The following GALNT2 variants were observed in gnomAD, a reference collection of about 807,000 sequenced individuals.
GALNT2 encodes the protein UDP-GalNAc:polypeptide N-acetylgalactosaminyltransferase 2.
Under a neutral mutation model 81.4 loss-of-function variants are expected in GALNT2, and 31 were observed. The observed-to-expected ratio is 0.38, with a 90% CI of 0.29 to 0.51. GALNT2 has a LOEUF of 0.51. GALNT2 is among the 20% of genes least tolerant of loss of function. The pLI, the probability that GALNT2 is intolerant of heterozygous loss-of-function variation, is 0.87. For synonymous variants in GALNT2, 303 were observed against 287.4 expected, an observed-to-expected ratio of 1.05 and a Z score of -0.55; for missense variants, 629 against 765.7, an observed-to-expected ratio of 0.82 and a Z score of 2.11.
At chr1:230,214,058 C>G (rs920207440) in intron 3 of GALNT2, among the ~76,000 whole-genome samples, 1 of 151,744 alleles carries the variant, frequency 6.6e-6, no homozygotes, top group Non-Finnish European at 1.5e-5. Flanking sequence ...TCTATTAGTC[C>G]CAGTATGTTG....
chr1:230,164,756 T>C (rs1304743534), intron 1 of GALNT2, among the ~76,000 whole-genome samples: 3 of 152,104 alleles, frequency 2.0e-5, no homozygotes, highest in Non-Finnish European at 4.4e-5. Flanking sequence ...GGTCTCGATC[T>C]CCTGACCTTG....
At chr1:230,069,096 T>G (rs1659294455) in intron 1 of GALNT2, among the ~76,000 whole-genome samples, 2 of 152,190 alleles carry the variant, frequency 1.3e-5, no homozygotes, top group African/African-American at 4.8e-5. Flanking sequence ...TTCTCTTTCC[T>G]TAGTCTGCCA....
At chr1:230,125,200 A>G (rs1239595892) in intron 1 of GALNT2, among the ~76,000 whole-genome samples, 2 of 152,254 alleles carry the variant, frequency 1.3e-5, no homozygotes, top group South Asian at 2.1e-4. Flanking sequence ...TAGAGAATTC[A>G]TAAATGAAGA....
chr1:230,085,630 A>G (rs1659876184), intron 1 of GALNT2, among the ~76,000 whole-genome samples: 1 of 152,194 alleles, frequency 6.6e-6, no homozygotes, highest in Non-Finnish European at 1.5e-5. Flanking sequence ...GATCCAGTTC[A>G]TCACTGGAAA....
intron 1 of GALNT2, among the ~76,000 whole-genome samples, chr1:230,069,048 A>C (rs1289815317): frequency 6.6e-6 from 1 of 152,196 alleles, no homozygotes; most frequent in Non-Finnish European, 1.5e-5. Context: ...TCTGCCTTTC[A>C]TGCAAAGAAA....
chr1:230,241,350 T>G (rs564450681), intron 6 of GALNT2, among the ~76,000 whole-genome samples: 1 of 152,328 alleles, frequency 6.6e-6, no homozygotes, highest in Admixed American at 6.5e-5. Context: ...TATTCATCTT[T>G]GTTATATTGG....
chr1:230,067,506 C>G, intron 1 of GALNT2, 100 bp downstream of exon 1: 1 of 393,068 alleles, frequency 2.5e-6, no homozygotes, highest in Non-Finnish European at 4.0e-6. Context: ...CTCCTCCGCC[C>G]GGACCTCCGC....
chr1:230,272,054 A>G lies in GALNT2; in HGVS notation c.1441-2391A>G, dbSNP rs536810547. Among the ~76,000 whole-genome samples, 216 of 152,350 alleles carry G rather than the reference A, an allele frequency of 1.4e-3. 1 individual carries two copies. The highest frequency in any genetic ancestry group is 5.0e-3 in the African/African-American group (209 of 41,586). On this transcript the variant is annotated intron_variant, in intron 14 of 15. Transcript: ENST00000366672. ...AGCTGTTTGTTGGGAACCGGGGTCAAAGACCAAACACTAGAATGAAAGATG... is the reference window on the plus strand; with the variant it reads ...AGCTGTTTGTTGGGAACCGGGGTCAGAGACCAAACACTAGAATGAAAGATG...
intron 1 of GALNT2, among the ~76,000 whole-genome samples, chr1:230,154,492 G>A (rs1432486397): frequency 2.0e-5 from 3 of 152,220 alleles, no homozygotes; most frequent in Non-Finnish European, 4.4e-5. Context: ...AGAGAAGGTA[G>A]TATTATGGGA....
chr1:230,281,767 A>G lies in GALNT2; in HGVS notation c.*2309A>G, dbSNP rs778718276. ...GTCCTTTGCGGTGAGCTATGTTTAC[A>G]TGACACAGTGTGCCAAAGTGACTTA... is the stretch of plus-strand genomic sequence containing the variant. On this transcript the variant is annotated 3_prime_UTR_variant, in exon 16 of 16. Coordinates refer to ENST00000366672, the MANE Select transcript of GALNT2 (RefSeq NM_004481.5). 3.3e-5 allele frequency: 5 copies of G among 152,678 alleles called. No homozygotes were observed. The highest frequency in any genetic ancestry group is 3.4e-3 in the Middle Eastern group (1 of 294). The allele number at this position is 152,678 out of a possible 1,614,324, so 9.5% of individuals were successfully genotyped here. A position where few individuals can be genotyped will look rare whatever the true frequency, so the allele number is the denominator to read the frequency against.
At chr1:230,097,993 G>A (rs1248431240) in intron 1 of GALNT2, among the ~76,000 whole-genome samples, 2 of 152,172 alleles carry the variant, frequency 1.3e-5, no homozygotes, top group East Asian at 1.9e-4. Flanking sequence ...AATGTTTGTC[G>A]ATAGAACCAG....
intron 1 of GALNT2, among the ~76,000 whole-genome samples, chr1:230,134,551 CA>C: frequency 6.6e-6 from 1 of 152,234 alleles, no homozygotes; most frequent in South Asian, 2.1e-4. Flanking sequence ...GTATCCCTCT[CA>C]AACCTCCCCT....
At chr1:230,267,048 C>A (rs1666056584) in intron 14 of GALNT2, among the ~76,000 whole-genome samples, 1 of 152,196 alleles carries the variant, frequency 6.6e-6, no homozygotes, top group African/African-American at 2.4e-5. Context: ...CGTTCTCACA[C>A]AACAGCTCTC....
chr1:230,199,281 G>A lies in GALNT2; in HGVS notation c.221-3856G>A, dbSNP rs148674863. On this transcript the variant is annotated intron_variant, in intron 2 of 15. Coordinates refer to ENST00000366672, the MANE Select transcript of GALNT2 (RefSeq NM_004481.5). ...TACCTCTCGCCATGTCCCTGTTTGCGTGGGGTTGGGCTGGGACGCGTGTGC... is the reference window on the plus strand; with the variant it reads ...TACCTCTCGCCATGTCCCTGTTTGCATGGGGTTGGGCTGGGACGCGTGTGC... Among the ~76,000 whole-genome samples, 765 of 152,232 alleles carry A rather than the reference G, an allele frequency of 5.0e-3. 3 individuals are homozygous for A. The highest frequency in any genetic ancestry group is 0.018 in the African/African-American group (731 of 41,530).
intron 1 of GALNT2, among the ~76,000 whole-genome samples, chr1:230,101,533 G>A (rs1660403947): frequency 6.6e-6 from 1 of 152,230 alleles, no homozygotes; most frequent in Non-Finnish European, 1.5e-5. Flanking sequence ...AGTTTGTCAA[G>A]ACAGATAAAC....
At chr1:230,083,001 A>G (rs751705823) in intron 1 of GALNT2, among the ~76,000 whole-genome samples, 3 of 148,216 alleles carry the variant, frequency 2.0e-5, no homozygotes, top group Non-Finnish European at 3.0e-5. Context: ...AACAGCAGGG[A>G]GCTGGAATGA....
intron 1 of GALNT2, among the ~76,000 whole-genome samples, chr1:230,177,702 C>T (rs1345399769): frequency 6.6e-6 from 1 of 152,140 alleles, no homozygotes; most frequent in African/African-American, 2.4e-5. Context: ...CTTGGTGGCC[C>T]TACCCCCTGC....
At chr1:230,201,346 G>A (rs1306368244) in intron 2 of GALNT2, among the ~76,000 whole-genome samples, 2 of 152,052 alleles carry the variant, frequency 1.3e-5, no homozygotes, top group Non-Finnish European at 1.5e-5. Context: ...TCATTTCCAC[G>A]GCAACCAGCT....
intron 1 of GALNT2, among the ~76,000 whole-genome samples, chr1:230,104,227 T>C (rs1660477377): frequency 6.6e-6 from 1 of 152,152 alleles, no homozygotes; most frequent in African/African-American, 2.4e-5. Flanking sequence ...TCTGTCTTTA[T>C]TTGGCATAGA....
Sources: allele counts gnomAD v4.1 joint callset (sites outside exome capture counted in the v4.1 genomes callset), GRCh38; gene constraint gnomAD v4.1.1; transcripts MANE v1.5; gene names NCBI Gene and HGNC (gene_info 2026-07-23, HGNC 2026-07-21).